Variants in SYT1 observed in about 807,000 individuals in gnomAD.
SYT1 encodes synaptotagmin 1, also known as synaptotagmin-1.
Under a neutral mutation model 44.8 loss-of-function variants are expected in SYT1, and 8 were observed. The ratio of observed to expected loss-of-function variants is 0.18; its 90% CI spans 0.10 to 0.32. The LOEUF is 0.32. Among genes scored for constraint, SYT1 ranks in the 10% least tolerant of loss-of-function variants. SYT1 has a pLI of 1.00. For missense variants in SYT1, 286 were observed against 509.3 expected, an observed-to-expected ratio of 0.56 and a Z score of 4.22; for synonymous variants, 154 against 188.8, an observed-to-expected ratio of 0.82 and a Z score of 1.51.
chr12:79,379,525 C>T (rs1220706900), intron 9 of SYT1, among the ~76,000 whole-genome samples: 1 of 152,128 alleles, frequency 6.6e-6, no homozygotes, highest in Non-Finnish European at 1.5e-5. Context: ...TGAAGCCTCC[C>T]GGTATTTTAT....
chr12:79,091,886 A>G (rs970040033), intron 3 of SYT1, among the ~76,000 whole-genome samples: 9 of 151,998 alleles, frequency 5.9e-5, no homozygotes, highest in African/African-American at 1.9e-4. Flanking sequence ...TAGGCTTGTT[A>G]TACTTTGCCT....
intron 4 of SYT1, among the ~76,000 whole-genome samples, chr12:79,282,381 T>A (rs1408870019): frequency 6.6e-6 from 1 of 152,216 alleles, no homozygotes; most frequent in Non-Finnish European, 1.5e-5. Context: ...TATGTGAGAT[T>A]GATTCATTAA....
intron 2 of SYT1, among the ~76,000 whole-genome samples, chr12:79,012,131 C>CA (rs374383589): frequency 0.076 from 5,597 of 73,308 alleles, 173 homozygotes; most frequent in Middle Eastern, 0.15. Context: ...GATTCTGTCT[C>CA]AAAAAAAAAA....
At chr12:78,929,409 C>CAAAAAAAAAAAAAAAAAA (rs10646738) in intron 1 of SYT1, among the ~76,000 whole-genome samples, 728 of 43,784 alleles carry the variant, frequency 0.017, 350 homozygotes, top group Middle Eastern at 0.05. Context: ...GACTCCGTCC[C>CAAAAAAAAAAAAAAAAAA]AAAAAAAAAA....
intron 3 of SYT1, among the ~76,000 whole-genome samples, chr12:79,065,551 C>G (rs996629834): frequency 2.6e-5 from 4 of 152,104 alleles, no homozygotes; most frequent in African/African-American, 9.6e-5. Flanking sequence ...AATAATCTAT[C>G]CCAGTAACAA....
intron 1 of SYT1, among the ~76,000 whole-genome samples, chr12:78,943,447 T>G (rs1799835557): frequency 2.0e-5 from 3 of 152,100 alleles, no homozygotes; most frequent in Non-Finnish European, 2.9e-5. Flanking sequence ...TGCCACAAGC[T>G]TCTAAACAAA....
chr12:78,883,624 T>C (rs182772700), intron 1 of SYT1, among the ~76,000 whole-genome samples: 2 of 151,848 alleles, frequency 1.3e-5, no homozygotes, highest in African/African-American at 2.4e-5. Context: ...AGATGATGTA[T>C]AATAATATAT....
At chr12:78,893,732 C>T (rs912975043) in intron 1 of SYT1, among the ~76,000 whole-genome samples, 3 of 151,638 alleles carry the variant, frequency 2.0e-5, no homozygotes, top group Non-Finnish European at 2.9e-5. Flanking sequence ...TAGAATTTAT[C>T]TCATGTTTTA....
intron 1 of SYT1, among the ~76,000 whole-genome samples, chr12:78,880,473 C>T (rs1047752692): frequency 3.3e-5 from 5 of 151,456 alleles, no homozygotes; most frequent in African/African-American, 1.2e-4. Context: ...TATTGCCTCC[C>T]TTTGATCATT....
At chr12:78,873,063 C>T (rs928853753) in intron 1 of SYT1, among the ~76,000 whole-genome samples, 5 of 151,536 alleles carry the variant, frequency 3.3e-5, no homozygotes, top group African/African-American at 9.7e-5. Context: ...TCATGACAGG[C>T]GTGCAGCACT....
At chr12:79,187,083 G>T (rs1872842733) in intron 3 of SYT1, among the ~76,000 whole-genome samples, 1 of 151,828 alleles carries the variant, frequency 6.6e-6, no homozygotes, top group African/African-American at 2.4e-5. Context: ...TTGCTTTTAG[G>T]TTTTTATTGT....
At chr12:78,978,552 A>G (rs547061603) in intron 2 of SYT1, among the ~76,000 whole-genome samples, 50 of 152,336 alleles carry the variant, frequency 3.3e-4, no homozygotes, top group African/African-American at 1.1e-3. Flanking sequence ...AATTCCATCA[A>G]ATTCAATTAC....
At chr12:78,979,987 G>C (rs1425643265) in intron 2 of SYT1, among the ~76,000 whole-genome samples, 1 of 152,024 alleles carries the variant, frequency 6.6e-6, no homozygotes, top group African/African-American at 2.4e-5. Context: ...TTACGTGAGT[G>C]TCTTACTTTC....
intron 3 of SYT1, among the ~76,000 whole-genome samples, chr12:79,189,889 A>T (rs963004156): frequency 4.6e-5 from 7 of 152,090 alleles, no homozygotes; most frequent in Non-Finnish European, 8.8e-5. Context: ...GGGTGACAGA[A>T]CAAGACTGTG....
chr12:79,056,611 C>A (rs1874964450), intron 3 of SYT1, among the ~76,000 whole-genome samples: 1 of 152,006 alleles, frequency 6.6e-6, no homozygotes, highest in Non-Finnish European at 1.5e-5. Flanking sequence ...CCTAACCAAA[C>A]TCTAGACTGA....
intron 1 of SYT1, among the ~76,000 whole-genome samples, chr12:78,912,438 CGTG>C (rs1876392673): frequency 6.6e-6 from 1 of 151,668 alleles, no homozygotes; most frequent in African/African-American, 2.4e-5. Flanking sequence ...AAGGCTGAGA[CGTG>C]GTGGAGAATA....
At chr12:79,301,759 G>A (rs770846507) in intron 8 of SYT1, among the ~76,000 whole-genome samples, 2 of 152,042 alleles carry the variant, frequency 1.3e-5, no homozygotes, top group Non-Finnish European at 2.9e-5. Flanking sequence ...ATCTGTAGGA[G>A]TTATTAATGG....
intron 4 of SYT1, among the ~76,000 whole-genome samples, chr12:79,235,486 A>G (rs1011143318): frequency 1.3e-5 from 2 of 152,030 alleles, no homozygotes; most frequent in Admixed American, 6.6e-5. Context: ...AGTATAAAAG[A>G]AAAACTTGAT....
At chr12:78,923,846 A>C (rs780905010) in intron 1 of SYT1, among the ~76,000 whole-genome samples, 1 of 151,872 alleles carries the variant, frequency 6.6e-6, no homozygotes, top group Non-Finnish European at 1.5e-5. Context: ...CAGGAAATTA[A>C]CATTCACTAG....
Sources: allele counts gnomAD v4.1 joint callset (sites outside exome capture counted in the v4.1 genomes callset), GRCh38; gene constraint gnomAD v4.1.1; transcripts MANE v1.5; gene names NCBI Gene and HGNC (gene_info 2026-07-23, HGNC 2026-07-21).